Variants in ARHGEF28 observed in about 807,000 individuals in gnomAD.
ARHGEF28 encodes Rho guanine nucleotide exchange factor 28, also known as 190 kDa guanine nucleotide exchange factor.
Under a neutral mutation model 206.6 loss-of-function variants are expected in ARHGEF28, and 152 were observed. The ratio of observed to expected loss-of-function variants is 0.74; its 90% CI spans 0.64 to 0.84. The LOEUF (loss-of-function observed/expected upper bound fraction) is 0.84, where lower values mean the gene tolerates loss of function less well. ARHGEF28 is among the 40% of genes least tolerant of loss of function. ARHGEF28 has a pLI of 0.00. For missense variants in ARHGEF28, 2,028 were observed against 2,073.2 expected, an observed-to-expected ratio of 0.98 and a Z score of 0.42; for synonymous variants, 763 against 776.4, an observed-to-expected ratio of 0.98 and a Z score of 0.29.
chr5:73,672,352 C>T (rs75304847), intron 1 of ARHGEF28, among the ~76,000 whole-genome samples: 4,492 of 152,228 alleles, frequency 0.03, 248 homozygotes, highest in African/African-American at 0.1. Flanking sequence ...TACTGAACTC[C>T]GACTTTCCAT....
chr5:73,775,507 G>A (rs942239485), intron 5 of ARHGEF28, among the ~76,000 whole-genome samples: 3 of 152,164 alleles, frequency 2.0e-5, no homozygotes, highest in Non-Finnish European at 4.4e-5. Context: ...AAGACTTAGA[G>A]TAAAACTGTT....
chr5:73,940,963 C>A lies in ARHGEF28; in HGVS notation c.5068C>A (p.Gln1690Lys). ...TCTACCGACAAGGACAATGACCAGACAAGATGGGGAAACTGGAGATGGAGC... is the reference window on the plus strand; with the variant it reads ...TCTACCGACAAGGACAATGACCAGAAAAGATGGGGAAACTGGAGATGGAGC... Reference protein sequence around the residue: ...LNLPTRTMTRQDGETGDGAKE... With the variant: ...LNLPTRTMTRKDGETGDGAKE... Residue 1690 changes from glutamine (Q) to lysine (K), a missense_variant, in exon 36 of 36, where the codon CAA (glutamine) becomes AAA (lysine). This residue lies in a region of ARHGEF28 where 803 missense variants were observed against 768.0 expected (regional missense o/e 1.05). Transcript: ENST00000513042. 1 of 1,532,236 alleles carries A rather than the reference C, an allele frequency of 6.5e-7. No homozygotes were observed. The highest frequency in any genetic ancestry group is 1.2e-5 in the South Asian group (1 of 83,222). 94.9% of individuals were successfully genotyped at this position (1,532,236 alleles called of 1,614,324 possible).
chr5:73,689,371 G>T (rs553970918), intron 2 of ARHGEF28, among the ~76,000 whole-genome samples: 2 of 151,930 alleles, frequency 1.3e-5, no homozygotes, highest in African/African-American at 2.4e-5. Context: ...TTGAGATGGG[G>T]CCTCACTGTT....
At chr5:73,709,340 C>G (rs1426894302) in intron 2 of ARHGEF28, among the ~76,000 whole-genome samples, 1 of 152,204 alleles carries the variant, frequency 6.6e-6, no homozygotes, top group African/African-American at 2.4e-5. Flanking sequence ...TGCTCTCTTA[C>G]AGTCAAACCC....
chr5:73,672,904 A>G (rs1746436846), intron 1 of ARHGEF28, among the ~76,000 whole-genome samples: 1 of 152,206 alleles, frequency 6.6e-6, no homozygotes, highest in African/African-American at 2.4e-5. Flanking sequence ...TAGGCTGCAC[A>G]ATTTCAGACT....
intron 2 of ARHGEF28, among the ~76,000 whole-genome samples, chr5:73,699,052 G>A (rs917626149): frequency 1.3e-5 from 2 of 152,030 alleles, no homozygotes; most frequent in Admixed American, 1.3e-4. Flanking sequence ...TTAATTTTGC[G>A]AACCCTTTTC....
intron 35 of ARHGEF28, among the ~76,000 whole-genome samples, chr5:73,935,320 A>G (rs1266896362): frequency 6.6e-6 from 1 of 152,188 alleles, no homozygotes; most frequent in African/African-American, 2.4e-5. Context: ...CAGGTGCAGT[A>G]TTGGCATATG....
At chr5:73,723,890 T>C (rs1750119909) in intron 2 of ARHGEF28, among the ~76,000 whole-genome samples, 1 of 152,250 alleles carries the variant, frequency 6.6e-6, no homozygotes, top group African/African-American at 2.4e-5. Flanking sequence ...CAACTACACC[T>C]AAATCCACTC....
chr5:73,844,760 T>TA (rs1758206291), intron 11 of ARHGEF28, among the ~76,000 whole-genome samples: 1 of 113,298 alleles, frequency 8.8e-6, no homozygotes, highest in Non-Finnish European at 1.8e-5. Flanking sequence ...TCCAGAACTG[T>TA]AACAACCAAA....
intron 16 of ARHGEF28, among the ~76,000 whole-genome samples, chr5:73,858,493 A>C (rs187516726): frequency 6.6e-6 from 1 of 152,214 alleles, no homozygotes; most frequent in Non-Finnish European, 1.5e-5. Context: ...CTCACCTAAA[A>C]GCTGATGCTC....
Position 73,870,075 on chromosome 5 carries a change from T to C in ARHGEF28, c.2432T>C (p.Val811Ala), listed in dbSNP as rs767099212. Residue 811 changes from valine to alanine, a missense_variant, in exon 21 of 36, where the codon GTG (valine) becomes GCG (alanine). Physicochemically the swap from Val to Ala is moderately conservative, Grantham distance 64. Transcript: ENST00000513042. ...STESFIMEDV[V>A]DSSLWSDLSS... ...TTTTCTAAACACACATTAGATGTTG[T>C]GGATTCTTCTCTGTGGAGTGACCTC... 1.9e-5 allele frequency: 31 copies of C among 1,612,698 alleles called. No individual in the cohort carries two copies. The highest frequency in any genetic ancestry group is 2.6e-5 in the Non-Finnish European group (31 of 1,179,584).
chr5:73,782,087 A>G (rs903088851), intron 7 of ARHGEF28, among the ~76,000 whole-genome samples: 1 of 148,972 alleles, frequency 6.7e-6, no homozygotes, highest in African/African-American at 2.5e-5. Context: ...GATTCTAGGT[A>G]TTTGTCAGAT....
In ARHGEF28 at chr5:73,687,309, C is replaced by T. The variant is rs570603476; in HGVS notation, c.33+2425C>T. 9.6e-4 allele frequency among the ~76,000 whole-genome samples: 145 copies of T among 151,688 alleles called. 1 individual carries two copies. Among genetic ancestry groups the T allele is most frequent in the African/African-American group, 3.4e-3 (140 of 41,422 alleles). On this transcript the variant is annotated intron_variant, in intron 2 of 35. Coordinates refer to ENST00000513042, the MANE Select transcript of ARHGEF28 (RefSeq NM_001177693.2). ...TAATTAAAAATTACATCCTAGTTGGCATTTTTTCTAGTAGAATATTAAATG... is the reference window on the plus strand; with the variant it reads ...TAATTAAAAATTACATCCTAGTTGGTATTTTTTCTAGTAGAATATTAAATG...
intron 2 of ARHGEF28, among the ~76,000 whole-genome samples, chr5:73,704,036 A>AG (rs1748774108): frequency 1.3e-5 from 2 of 151,010 alleles, no homozygotes; most frequent in Non-Finnish European, 3.0e-5. Context: ...AAAAAAAAAA[A>AG]TTGTAAAAAT....
chr5:73,684,985 A>G, intron 2 of ARHGEF28, 101 bp downstream of exon 2: 1 of 1,293,232 alleles, frequency 7.7e-7, no homozygotes, highest in South Asian at 1.4e-5. Context: ...TATTGAGTTA[A>G]GGCTTTTTAA....
At chr5:73,799,235 C>T (rs1435526419) in intron 9 of ARHGEF28, among the ~76,000 whole-genome samples, 1 of 152,128 alleles carries the variant, frequency 6.6e-6, no homozygotes. Context: ...AACAAGTGGA[C>T]AGCCTGTGGG....
At chr5:73,845,647 G>A (rs1758289719) in intron 11 of ARHGEF28, among the ~76,000 whole-genome samples, 1 of 152,136 alleles carries the variant, frequency 6.6e-6, no homozygotes, top group Non-Finnish European at 1.5e-5. Context: ...TTACAAAACA[G>A]AAGTGGTGAG....
At chr5:73,763,056 CTGAG>C (rs1394967331) in intron 4 of ARHGEF28, among the ~76,000 whole-genome samples, 1 of 152,168 alleles carries the variant, frequency 6.6e-6, no homozygotes, top group Non-Finnish European at 1.5e-5. Context: ...GTCACTGACA[CTGAG>C]TAAGAATGAA....
chr5:73,739,828 A>AAAATAAAT lies in ARHGEF28; in HGVS notation c.34-9977_34-9970dup, dbSNP rs571150752. Among the ~76,000 whole-genome samples the AAAATAAAT allele has an allele frequency of 5.7e-3, 805 of 140,240 alleles. 4 individuals are homozygous for AAAATAAAT. Among genetic ancestry groups the AAAATAAAT allele is most frequent in the Middle Eastern group, 0.011 (3 of 274 alleles). The allele number at this position is 140,240 out of a possible 152,430, so 92.0% of individuals were successfully genotyped here. A position where few individuals can be genotyped will look rare whatever the true frequency, so the allele number is the denominator to read the frequency against. The stretch of plus-strand genomic sequence containing the variant: ...CCTGTCTCTAATAATAATAATAATA[A>AAAATAAAT]AAATAAATAAATAAATAAATAAATA... On this transcript the variant is annotated intron_variant, in intron 2 of 35. Coordinates refer to ENST00000513042, the MANE Select transcript of ARHGEF28 (RefSeq NM_001177693.2).
Sources: gnomAD v4.1 joint callset for allele counts (sites outside exome capture counted in the v4.1 genomes callset) on GRCh38, gnomAD v4.1.1 for gene constraint, gnomAD v4.1.1 regional missense constraint, MANE v1.5 for transcripts, NCBI Gene and HGNC (gene_info 2026-07-23, HGNC 2026-07-21) for gene names.